DNM3: variants seen among roughly 807,000 people sequenced by gnomAD.
DNM3 encodes dynamin-3.
DNM3 carries 47 observed loss-of-function variants against 101.6 expected under a neutral mutation model. The observed-to-expected ratio is 0.46, with a 90% CI of 0.37 to 0.59. The LOEUF is 0.59. Among genes scored for constraint, DNM3 ranks in the 20% least tolerant of loss-of-function variants. DNM3 has a pLI of 0.00. For missense variants in DNM3, 849 were observed against 1,085.7 expected (o/e 0.78, Z 3.06); for synonymous variants, 385 against 387.9 (o/e 0.99, Z 0.09).
chr1:172,193,393 T>G lies in DNM3; in HGVS notation c.1660-60180T>G, dbSNP rs143124786. Among the ~76,000 whole-genome samples the G allele has an allele frequency of 9.7e-3, 1,480 of 152,226 alleles. 13 individuals carry two copies. Among genetic ancestry groups the G allele is most frequent in the African/African-American group, 0.033 (1,390 of 41,536 alleles). On this transcript the variant is annotated intron_variant, in intron 14 of 20. Coordinates refer to ENST00000627582, the MANE Select transcript of DNM3 (RefSeq NM_015569.5). ...GCCTCATAAAATGCATTAGGGAGGA[T>G]TCCCTCTTTTTCTATTGATTGGAAT...
intron 2 of DNM3, among the ~76,000 whole-genome samples, chr1:171,984,223 T>C (rs749634088): frequency 6.6e-6 from 1 of 152,190 alleles, no homozygotes; most frequent in Non-Finnish European, 1.5e-5. Flanking sequence ...TTGTCTGTCC[T>C]CAACACAGCA....
chr1:172,407,681 T>C (rs2070994134), intron 20 of DNM3, 91 bp from the exon 21 acceptor site: 3 of 1,298,420 alleles, frequency 2.3e-6, no homozygotes, highest in Non-Finnish European at 3.3e-6. Context: ...TGCATGAGCA[T>C]GTGTGTAATG....
At chr1:172,368,337 C>A (rs1256414645) in intron 17 of DNM3, among the ~76,000 whole-genome samples, 2 of 151,768 alleles carry the variant, frequency 1.3e-5, no homozygotes, top group Non-Finnish European at 2.9e-5. Context: ...GGAAACTGAA[C>A]AATTACATGT....
chr1:172,253,127 G>A lies in DNM3; in HGVS notation c.1660-446G>A, dbSNP rs139153415. ...ATAAAACAAGAAATGAAATCCATCT[G>A]GCATTTCTCATTGAATTAGGACCAG... is the stretch of plus-strand genomic sequence containing the variant. On this transcript the variant is annotated intron_variant, in intron 14 of 20. Transcript: ENST00000627582. Among the ~76,000 whole-genome samples the A allele has an allele frequency of 2.4e-4, 37 of 152,128 alleles. 1 individual carries two copies. In the East Asian group the frequency reaches 6.8e-3, roughly 28 times the overall value.
At chr1:172,296,865 G>A (rs1052131448) in intron 15 of DNM3, among the ~76,000 whole-genome samples, 5 of 152,164 alleles carry the variant, frequency 3.3e-5, no homozygotes, top group African/African-American at 9.6e-5. Context: ...CATCTTGGCC[G>A]GGCACAGTGG....
At chr1:172,104,673 A>G (rs545080257) in intron 13 of DNM3, among the ~76,000 whole-genome samples, 1 of 152,252 alleles carries the variant, frequency 6.6e-6, no homozygotes, top group South Asian at 2.1e-4. Context: ...AGTAATGTTT[A>G]TTGTTCTTTA....
At chr1:171,876,103 C>T (rs753391820) in intron 1 of DNM3, among the ~76,000 whole-genome samples, 19 of 151,958 alleles carry the variant, frequency 1.3e-4, no homozygotes, top group Admixed American at 3.9e-4. Flanking sequence ...GCCACTGCGC[C>T]TGGCCAAAAA....
chr1:172,155,387 T>G (rs2058298838), intron 14 of DNM3, among the ~76,000 whole-genome samples: 1 of 152,208 alleles, frequency 6.6e-6, no homozygotes, highest in East Asian at 1.9e-4. Flanking sequence ...TTTCATTCCA[T>G]GGCTTAATTT....
intron 15 of DNM3, among the ~76,000 whole-genome samples, chr1:172,279,610 A>C (rs2063411137): frequency 6.6e-6 from 1 of 151,960 alleles, no homozygotes; most frequent in African/African-American, 2.4e-5. Context: ...TTAAAATTAA[A>C]CTCTTGGTCT....
In DNM3 at chr1:172,009,009, A is replaced by T. The variant is rs2046913509; in HGVS notation, c.589+19861A>T. On this transcript the variant is annotated intron_variant, in intron 4 of 20. Coordinates refer to ENST00000627582, the MANE Select transcript of DNM3 (RefSeq NM_015569.5). ...ATGCATATACTTATTTATATATAAC[A>T]TGCATGTACTTATTTATATATACAA... Among the ~76,000 whole-genome samples the T allele has an allele frequency of 4.6e-5, 3 of 65,212 alleles. No individual in the cohort carries two copies. In the South Asian group the frequency reaches 9.7e-4, roughly 21 times the overall value. 42.8% of individuals were successfully genotyped at this position (65,212 alleles called of 152,430 possible).
At chr1:172,377,559 T>TATATATATATATATATA (rs2068672509) in intron 17 of DNM3, among the ~76,000 whole-genome samples, 1 of 96,446 alleles carries the variant, frequency 1.0e-5, no homozygotes, top group African/African-American at 3.7e-5. Context: ...ATATCATATA[T>TATATATATATATATATA]ATATATATAT....
chr1:172,346,307 G>A (rs577222672), intron 17 of DNM3, among the ~76,000 whole-genome samples: 10 of 152,116 alleles, frequency 6.6e-5, no homozygotes, highest in East Asian at 1.9e-4. Context: ...GTTTATTGGC[G>A]TAACTGAAGG....
At position 171,897,921 on chromosome 1, in the gene DNM3, AT is replaced by A. The variant is rs398103370; in HGVS notation, c.162-23816del. On this transcript the variant is annotated intron_variant, in intron 1 of 20. Transcript: ENST00000627582. ...AATCAAGTTTCTAGGTCTGCGGTTC[AT>A]TTTTTTTTTTGACTAATACTTGTAT... Among the ~76,000 whole-genome samples the A allele has an allele frequency of 4.4e-3, 650 of 148,124 alleles. 4 individuals carry two copies. Among genetic ancestry groups the A allele is most frequent in the Non-Finnish European group, 7.6e-3 (507 of 66,816 alleles).
At chr1:172,297,269 T>G (rs2064213404) in intron 15 of DNM3, among the ~76,000 whole-genome samples, 4 of 152,222 alleles carry the variant, frequency 2.6e-5, no homozygotes, top group Admixed American at 2.6e-4. Context: ...ATTGTTAATT[T>G]ATTCTAGATT....
intron 4 of DNM3, among the ~76,000 whole-genome samples, chr1:172,030,182 C>G (rs1447888243): frequency 6.6e-6 from 1 of 152,162 alleles, no homozygotes; most frequent in Admixed American, 6.6e-5. Flanking sequence ...GTAACCAAAA[C>G]AGCATGGTAC....
At chr1:172,242,851 T>A (rs1573099518) in intron 14 of DNM3, among the ~76,000 whole-genome samples, 1 of 152,276 alleles carries the variant, frequency 6.6e-6, no homozygotes, top group African/African-American at 2.4e-5. Context: ...AGAAGCCAAA[T>A]GAGGTGGTTT....
chr1:172,037,023 CA>C (rs2049020853), intron 6 of DNM3, among the ~76,000 whole-genome samples: 1 of 152,026 alleles, frequency 6.6e-6, no homozygotes, highest in Non-Finnish European at 1.5e-5. Flanking sequence ...TTTATGCAGC[CA>C]AAAAACATGA....
At chr1:172,413,608 T>A (rs891199554), downstream of DNM3, among the ~76,000 whole-genome samples, 3 of 152,222 alleles carry the variant, frequency 2.0e-5, no homozygotes, top group East Asian at 5.8e-4. Context: ...TTCCAGAGAA[T>A]AGAGGAAGAC....
chr1:172,031,102 C>T (rs1009737991), intron 4 of DNM3, among the ~76,000 whole-genome samples: 12 of 152,090 alleles, frequency 7.9e-5, no homozygotes, highest in African/African-American at 2.7e-4. Context: ...CACATGCATA[C>T]ATATGTTTAT....
Sources: gnomAD v4.1 joint callset for allele counts (sites outside exome capture counted in the v4.1 genomes callset) on GRCh38, gnomAD v4.1.1 for gene constraint, MANE v1.5 for transcripts, NCBI Gene and HGNC (gene_info 2026-07-23, HGNC 2026-07-21) for gene names.